DNMT3A: variants seen among roughly 807,000 people sequenced by gnomAD.
DNMT3A encodes the protein DNA (cytosine-5)-methyltransferase 3A.
In DNMT3A, 267 loss-of-function variants were observed where a neutral mutation model predicts 117.6. The ratio of observed to expected loss-of-function variants is 2.27; its 90% CI spans 2.05 to 2.51. DNMT3A has a LOEUF of 2.51. Among genes scored for constraint, DNMT3A ranks in the 30% most tolerant of loss-of-function variants. The probability of loss-of-function intolerance (pLI) is 0.00; values close to 1 mark genes in which losing one functional copy is unlikely to be tolerated. For synonymous variants in DNMT3A, 432 were observed against 474.8 expected, an observed-to-expected ratio of 0.91 and a Z score of 1.17; for missense variants, 1,029 against 1,260.2, an observed-to-expected ratio of 0.82 and a Z score of 2.78.
chr2:25,274,464 T>C (rs758052536), intron 6 of DNMT3A, among the ~76,000 whole-genome samples: 3 of 152,184 alleles, frequency 2.0e-5, no homozygotes, highest in African/African-American at 4.8e-5. Flanking sequence ...TCCTTTGCCA[T>C]TTCACCCTGG....
chr2:25,303,495 C>T (rs1277501158), intron 2 of DNMT3A, among the ~76,000 whole-genome samples: 2 of 152,248 alleles, frequency 1.3e-5, no homozygotes, highest in South Asian at 4.1e-4. Context: ...CCCCCGGTGC[C>T]AGGCCACCTC....
rs1481248882 is a variant in DNMT3A at position 25,246,259 on chromosome 2, C to A, written c.1330G>T (p.Glu444Ter). ...GGAGGTGGTGCGTAGGCAGCTGCCT[C>A]AGGTTCCACCCACATGTCCGTGTAC... ...EVYTDMWVEP[E>*]AAAYAPPPPA... The change falls in exon 11 of 23, where the codon GAG (glutamate) becomes TAG (stop). Residue 444 changes from glutamate to a stop codon, truncating the protein, a stop_gained. Coordinates refer to ENST00000321117, the MANE Select transcript of DNMT3A (RefSeq NM_022552.5). LOFTEE classifies it high-confidence loss of function. 1.2e-6 allele frequency: 2 copies of A among 1,613,968 alleles called. No individual in the cohort carries two copies. Among genetic ancestry groups the A allele is most frequent in the African/African-American group, 2.7e-5 (2 of 74,924 alleles).
rs770647609 is a variant in DNMT3A at position 25,234,244 on chromosome 2, C to T, written c.*35G>A. On this transcript the variant is annotated 3_prime_UTR_variant, in exon 23 of 23. Coordinates refer to ENST00000321117, the MANE Select transcript of DNMT3A (RefSeq NM_022552.5). The surrounding 1 kb of genome is among the most constrained non-coding windows in gnomAD (Gnocchi z 4.5). ...TTGTGTTTTTTGTTTGTTTGTTTAA[C>T]TTTGTGTCGCTACCTCAGTTTGCCC... The T allele has an allele frequency of 2.5e-6, 4 of 1,577,264 alleles. No homozygotes were observed. Among genetic ancestry groups the T allele is most frequent in the Non-Finnish European group, 3.5e-6 (4 of 1,156,800 alleles).
chr2:25,277,100 C>G (rs993074250), intron 4 of DNMT3A, among the ~76,000 whole-genome samples: 1 of 152,112 alleles, frequency 6.6e-6, no homozygotes, highest in Non-Finnish European at 1.5e-5. Flanking sequence ...TGGCGCCGGG[C>G]TCAGCCCGCG....
At chr2:25,314,310 G>C (rs2034276839) in intron 1 of DNMT3A, 149 bp from the exon 2 acceptor site, 2 of 1,185,374 alleles carry the variant, frequency 1.7e-6, no homozygotes, top group East Asian at 4.1e-5. Flanking sequence ...GAGAAACCGA[G>C]GCAGGCTCCC....
intron 1 of DNMT3A, among the ~76,000 whole-genome samples, chr2:25,326,108 ATG>A (rs61521265): frequency 0.21 from 29,896 of 142,116 alleles, 3,123 homozygotes; most frequent in Non-Finnish European, 0.25. Context: ...CTTGATATAT[ATG>A]TGTGTGTGTG....
At chr2:25,312,290 G>A (rs2034164207) in intron 2 of DNMT3A, among the ~76,000 whole-genome samples, 1 of 152,206 alleles carries the variant, frequency 6.6e-6, no homozygotes, top group Non-Finnish European at 1.5e-5. Flanking sequence ...GTCCTGAGCG[G>A]GGGCAGCCTA....
chr2:25,245,869 G>C, intron 12 of DNMT3A, 151 bp downstream of exon 12: 2 of 1,048,606 alleles, frequency 1.9e-6, no homozygotes, highest in Admixed American at 3.7e-5. Context: ...CATGGCACCA[G>C]AAAGACAGAC....
At chr2:25,325,177 G>A (rs1262326987) in intron 1 of DNMT3A, among the ~76,000 whole-genome samples, 1 of 152,158 alleles carries the variant, frequency 6.6e-6, no homozygotes, top group East Asian at 1.9e-4. Context: ...ATGCTGTTAA[G>A]GAGCTGAAGT....
chr2:25,248,381 A>C, intron 6 of DNMT3A, 129 bp from the exon 7 acceptor site: 1 of 975,792 alleles, frequency 1.0e-6, no homozygotes, highest in Non-Finnish European at 1.5e-6. Context: ...GAGAGAGCCA[A>C]CCAGCTGCCT....
At chr2:25,265,973 T>C (rs1396769083) in intron 6 of DNMT3A, among the ~76,000 whole-genome samples, 1 of 152,224 alleles carries the variant, frequency 6.6e-6, no homozygotes, top group Admixed American at 6.5e-5. Context: ...GAGTTGGCCC[T>C]GGGCCAGCAA....
At chr2:25,248,395 C>T (rs1430421583) in intron 6 of DNMT3A, 143 bp from the exon 7 acceptor site, 9 of 874,496 alleles carry the variant, frequency 1.0e-5, no homozygotes, top group Middle Eastern at 6.4e-4. Flanking sequence ...GCTGCCTTGC[C>T]GTGAAAAATG....
Position 25,231,196 on chromosome 2 carries a change from C to T in DNMT3A, c.*3083G>A, listed in dbSNP as rs1672873672. On this transcript the variant is annotated 3_prime_UTR_variant, in exon 23 of 23. Coordinates refer to ENST00000321117, the MANE Select transcript of DNMT3A (RefSeq NM_022552.5). ...GGACTGCCTGAGGCAGCCCCTCCTC[C>T]CCCAGCCCTCCTGGAGTGGCGCTGG... 1 of 152,342 alleles carries T rather than the reference C, an allele frequency of 6.6e-6. No individual in the cohort carries two copies. The highest frequency in any genetic ancestry group is 1.5e-5 in the Non-Finnish European group (1 of 68,146). 9.4% of individuals were successfully genotyped at this position (152,342 alleles called of 1,614,324 possible). A position where few individuals can be genotyped will look rare whatever the true frequency, so the allele number is the denominator to read the frequency against.
intron 1 of DNMT3A, among the ~76,000 whole-genome samples, chr2:25,317,959 T>C (rs575875862): frequency 6.6e-6 from 1 of 152,246 alleles, no homozygotes; most frequent in African/African-American, 2.4e-5. Context: ...GGTCTCGAAC[T>C]CCCAATCTCA....
chr2:25,320,994 T>C (rs76280428), intron 1 of DNMT3A, among the ~76,000 whole-genome samples: 1 of 152,056 alleles, frequency 6.6e-6, no homozygotes, highest in South Asian at 2.1e-4. Flanking sequence ...TAGCCAGGCA[T>C]GATGGTGCAT....
intron 16 of DNMT3A, 27 bp from the exon 17 acceptor site, chr2:25,241,734 T>C: frequency 6.2e-7 from 1 of 1,610,722 alleles, no homozygotes; most frequent in Non-Finnish European, 8.5e-7. Context: ...ACAGCACCGT[T>C]ACTTGGAGCC....
rs778981805 is a variant in DNMT3A, at chr2:25,240,750, G to A, written c.2083-20C>T. 14 of 1,610,610 alleles carry A rather than the reference G, an allele frequency of 8.7e-6. No individual in the cohort carries two copies. Among genetic ancestry groups the A allele is most frequent in the Admixed American group, 5.0e-5 (3 of 59,974 alleles). Reference sequence around the variant, plus strand: ...CTGGATCTGGGAGGATAAAGGCAACGTGATGGGCCTGCTGTCCAGGGACAG... The same window carrying A: ...CTGGATCTGGGAGGATAAAGGCAACATGATGGGCCTGCTGTCCAGGGACAG... On this transcript the variant is annotated intron_variant, in intron 17 of 22. Transcript: ENST00000321117.
intron 6 of DNMT3A, among the ~76,000 whole-genome samples, chr2:25,264,131 G>GGTTTTT (rs2029953689): frequency 3.2e-5 from 2 of 62,700 alleles, no homozygotes; most frequent in Non-Finnish European, 7.2e-5. Flanking sequence ...ACAACCCTTT[G>GGTTTTT]GTTTTTTTTT....
intron 20 of DNMT3A, among the ~76,000 whole-genome samples, chr2:25,238,348 T>G (rs1475419877): frequency 1.3e-5 from 2 of 151,974 alleles, no homozygotes; most frequent in Admixed American, 6.6e-5. Context: ...AGGAGGGAGA[T>G]TATTTGACCG....
Sources: gnomAD v4.1 joint callset for allele counts (sites outside exome capture counted in the v4.1 genomes callset) on GRCh38, gnomAD v4.1.1 for gene constraint, Gnocchi (gnomAD v3.1) non-coding constraint, MANE v1.5 for transcripts, NCBI Gene and HGNC (gene_info 2026-07-23, HGNC 2026-07-21) for gene names.